The following SAMMSON variants were observed in gnomAD, a reference collection of about 807,000 sequenced individuals.
SAMMSON encodes long intergenic non-protein coding RNA 1212.
intron 6 of SAMMSON, among the ~76,000 whole-genome samples, chr3:70,275,053 CA>C (rs1385681307): frequency 1.3e-5 from 2 of 152,192 alleles, no homozygotes; most frequent in African/African-American, 4.8e-5. Context: ...ACTACCTCTT[CA>C]GGTGATATAA....
At chr3:70,253,225 G>T (rs188419211) in intron 6 of SAMMSON, among the ~76,000 whole-genome samples, 1 of 152,312 alleles carries the variant, frequency 6.6e-6, no homozygotes, top group African/African-American at 2.4e-5. Flanking sequence ...TACTGAGAAG[G>T]TGCCTTTTAG....
chr3:70,303,821 A>G (rs974857153), intron 7 of SAMMSON, among the ~76,000 whole-genome samples: 8 of 152,068 alleles, frequency 5.3e-5, no homozygotes, highest in Non-Finnish European at 1.2e-4. Context: ...AGCTGGAATT[A>G]CAGGCATGTG....
At chr3:70,089,329 C>G (rs2067297429) in intron 4 of SAMMSON, among the ~76,000 whole-genome samples, 2 of 152,144 alleles carry the variant, frequency 1.3e-5, no homozygotes, top group African/African-American at 4.8e-5. Context: ...GCTTAATATG[C>G]ATCAGCACAT....
chr3:70,057,003 T>C (rs1350533904), intron 3 of SAMMSON, among the ~76,000 whole-genome samples: 1 of 152,034 alleles, frequency 6.6e-6, no homozygotes, highest in Non-Finnish European at 1.5e-5. Flanking sequence ...GTAGGAAGTA[T>C]CTAATCTATT....
intron 4 of SAMMSON, among the ~76,000 whole-genome samples, chr3:70,115,264 G>A (rs1479803826): frequency 1.3e-5 from 2 of 150,428 alleles, no homozygotes; most frequent in Non-Finnish European, 3.0e-5. Context: ...GAGAGGTTAA[G>A]TTAAAGCTTT....
At chr3:70,237,082 T>C (rs1180494651) in intron 4 of SAMMSON, among the ~76,000 whole-genome samples, 3 of 152,146 alleles carry the variant, frequency 2.0e-5, no homozygotes, top group Non-Finnish European at 4.4e-5. Flanking sequence ...TTCCGTATTA[T>C]CAGTTTGGGA....
chr3:70,416,476 G>A (rs866035081), intron 2 of SAMMSON, among the ~76,000 whole-genome samples: 13 of 152,094 alleles, frequency 8.5e-5, no homozygotes, highest in African/African-American at 2.4e-4. Flanking sequence ...TCTTAGCAGT[G>A]TATTACTCAC....
intron 4 of SAMMSON, among the ~76,000 whole-genome samples, chr3:70,116,292 C>CTTTTTTTTTT (rs57252778): frequency 1.4e-4 from 16 of 118,092 alleles, no homozygotes; most frequent in Admixed American, 2.6e-4. Flanking sequence ...GCGATGCTTT[C>CTTTTTTTTTT]TTTTTTTTTT....
At chr3:70,275,906 C>T (rs1454704717) in intron 6 of SAMMSON, among the ~76,000 whole-genome samples, 1 of 152,050 alleles carries the variant, frequency 6.6e-6, no homozygotes, top group Non-Finnish European at 1.5e-5. Context: ...AATCAGATTG[C>T]TCATTGTCGA....
chr3:70,016,076 C>T (rs1168479620), intron 3 of SAMMSON, among the ~76,000 whole-genome samples: 1 of 152,116 alleles, frequency 6.6e-6, no homozygotes, highest in Non-Finnish European at 1.5e-5. Flanking sequence ...TGGGTATATA[C>T]CCAGTAATGG....
At chr3:70,169,894 C>T (rs907641974) in intron 4 of SAMMSON, among the ~76,000 whole-genome samples, 7 of 151,704 alleles carry the variant, frequency 4.6e-5, no homozygotes, top group Admixed American at 3.3e-4. Context: ...GGTTCATGTT[C>T]AGAAGGTATC....
chr3:70,291,329 C>G (rs1164731512), intron 7 of SAMMSON: 1 of 151,922 alleles, frequency 6.6e-6, no homozygotes, highest in African/African-American at 2.4e-5. Flanking sequence ...TTAGACAATT[C>G]AGTGAATTCA....
chr3:70,012,484 A>T (rs897231571), exon 2 of SAMMSON: 3 of 152,168 alleles, frequency 2.0e-5, no homozygotes, highest in Admixed American at 6.6e-5. Flanking sequence ...AAAACCAAGA[A>T]TGTGGGAAGC....
At position 70,191,884 on chromosome 3, in the gene SAMMSON, C is replaced by CT. The variant is rs1701133290; in HGVS notation, n.508-57222dup. Reference sequence around the variant, plus strand: ...ACTTAATCTCTTTAAGACTCTTTCCCTAAAAAAAAAAAAAAAGGAAATAAT... The same window carrying CT: ...ACTTAATCTCTTTAAGACTCTTTCCCTTAAAAAAAAAAAAAAAGGAAATAAT... On this transcript the variant is annotated intron_variant and non_coding_transcript_variant, in intron 4 of 9. Coordinates refer to ENST00000642114, the Ensembl canonical transcript of SAMMSON. 4.2e-5 allele frequency among the ~76,000 whole-genome samples: 4 copies of CT among 95,380 alleles called. No homozygotes were observed. In the Admixed American group the frequency reaches 4.6e-4, roughly 11 times the overall value. 62.6% of individuals were successfully genotyped at this position (95,380 alleles called of 152,430 possible).
At chr3:70,083,619 T>C (rs531937112) in intron 4 of SAMMSON, among the ~76,000 whole-genome samples, 40 of 152,310 alleles carry the variant, frequency 2.6e-4, no homozygotes, top group South Asian at 2.1e-4. Flanking sequence ...GGAGGTCTTC[T>C]TCAAGGCAGT....
intron 9 of SAMMSON, among the ~76,000 whole-genome samples, chr3:70,368,198 A>G (rs982471453): frequency 1.3e-5 from 2 of 151,552 alleles, no homozygotes; most frequent in Admixed American, 1.3e-4. Flanking sequence ...AATTCAAAGA[A>G]CATAGATTTC....
intron 3 of SAMMSON, among the ~76,000 whole-genome samples, chr3:70,017,147 G>C (rs1427397228): frequency 6.6e-6 from 1 of 152,114 alleles, no homozygotes; most frequent in African/African-American, 2.4e-5. Flanking sequence ...GCTTGATGGG[G>C]ATGGCATTGA....
intron 7 of SAMMSON, among the ~76,000 whole-genome samples, chr3:70,314,729 T>C (rs1440422756): frequency 6.6e-6 from 1 of 152,136 alleles, no homozygotes; most frequent in Non-Finnish European, 1.5e-5. Context: ...AGCAGAAATA[T>C]ATATATTTTA....
chr3:70,075,638 G>A (rs1032835892), intron 4 of SAMMSON, among the ~76,000 whole-genome samples: 9 of 152,070 alleles, frequency 5.9e-5, no homozygotes, highest in Non-Finnish European at 1.3e-4. Context: ...AAAATGACCT[G>A]CTTATATTAA....
Sources: allele counts gnomAD v4.1 joint callset (sites outside exome capture counted in the v4.1 genomes callset), GRCh38; gene constraint gnomAD v4.1.1; transcripts MANE v1.5; gene names NCBI Gene and HGNC (gene_info 2026-07-23, HGNC 2026-07-21).